BMPR2: variants seen among roughly 807,000 people sequenced by gnomAD.
The protein encoded by BMPR2 is bone morphogenetic protein receptor type 2, also known as bone morphogenetic protein receptor type-2.
A neutral mutation model predicts 100.8 loss-of-function variants in BMPR2; 29 were observed. The ratio of observed to expected loss-of-function variants is 0.29; its 90% confidence interval spans 0.21 to 0.39. The LOEUF is 0.39. Among genes scored for constraint, BMPR2 ranks in the 10% least tolerant of loss-of-function variants. The pLI is 1.00. For synonymous variants in BMPR2, 382 were observed against 442.3 expected (o/e 0.86, Z 1.71); for missense variants, 1,011 against 1,274.5 (o/e 0.79, Z 3.15).
At position 202,487,795 on chromosome 2, in the gene BMPR2, T is replaced by A. The variant is rs186075375; in HGVS notation, c.418+20106T>A. 2.5e-3 allele frequency among the ~76,000 whole-genome samples: 377 copies of A among 152,348 alleles called. 3 individuals carry two copies. Among genetic ancestry groups the A allele is most frequent in the African/African-American group, 8.4e-3 (348 of 41,584 alleles). ...AAACTTTAGCATTAATCAGTATCAG[T>A]TTGGAGGCCCTTGAAAACAGATTGT... On this transcript the variant is annotated intron_variant, in intron 3 of 12. Transcript: ENST00000374580.
At chr2:202,476,584 T>C (rs1250541373) in intron 3 of BMPR2, among the ~76,000 whole-genome samples, 8 of 151,900 alleles carry the variant, frequency 5.3e-5, no homozygotes, top group African/African-American at 1.9e-4. Context: ...AGTTCAGGAG[T>C]TGGAGACCAG....
At chr2:202,433,273 G>A (rs186524172) in intron 1 of BMPR2, among the ~76,000 whole-genome samples, 6 of 150,366 alleles carry the variant, frequency 4.0e-5, no homozygotes, top group Non-Finnish European at 7.4e-5. Context: ...AGGTAGGTAG[G>A]TAGATAGATA....
chr2:202,421,407 T>G (rs562858893), intron 1 of BMPR2, among the ~76,000 whole-genome samples: 1 of 151,584 alleles, frequency 6.6e-6, no homozygotes, highest in African/African-American at 2.4e-5. Context: ...AATTTAACTT[T>G]GTAACTAGTA....
At chr2:202,382,726 G>T (rs1476963089) in intron 1 of BMPR2, among the ~76,000 whole-genome samples, 4 of 152,196 alleles carry the variant, frequency 2.6e-5, no homozygotes, top group Non-Finnish European at 5.9e-5. Flanking sequence ...TAGTTTAAGA[G>T]GTATAGTGGG....
chr2:202,520,049 C>T, intron 6 of BMPR2, 38 bp from the exon 7 acceptor site: 2 of 1,270,688 alleles, frequency 1.6e-6, no homozygotes, highest in Non-Finnish European at 2.2e-6. Context: ...TGAGTTAATT[C>T]TACCTTTTTT....
intron 1 of BMPR2, among the ~76,000 whole-genome samples, chr2:202,411,544 A>G (rs1691013083): frequency 2.0e-5 from 3 of 152,182 alleles, no homozygotes; most frequent in Admixed American, 1.3e-4. Context: ...TGTTTGTTGG[A>G]AAACTGGCCC....
rs997717183 is a variant in BMPR2 at position 202,562,269 on chromosome 2, A to G, written c.*2323A>G. ...GGGCCAGTTGATTGTAGGTTGTCCA[A>G]CATTTTTTAATATTGGGAAAATTAT... On this transcript the variant is annotated 3_prime_UTR_variant, in exon 13 of 13. Coordinates refer to ENST00000374580, the MANE Select transcript of BMPR2 (RefSeq NM_001204.7). 2 of 152,560 alleles carry G rather than the reference A, an allele frequency of 1.3e-5. No individual in the cohort carries two copies. Among genetic ancestry groups the G allele is most frequent in the African/African-American group, 4.8e-5 (2 of 41,460 alleles). The allele number at this position is 152,560 out of a possible 1,614,324, so 9.5% of individuals were successfully genotyped here.
In BMPR2 at chr2:202,436,550, C is replaced by T. The variant is rs1329134962; in HGVS notation, c.77-28259C>T. ...CTTGACAAAGATATCTAATTTGCTT[C>T]TAAGCTTTTTAAATTGAAACAATGC... On this transcript the variant is annotated intron_variant, in intron 1 of 12. Coordinates refer to ENST00000374580, the MANE Select transcript of BMPR2 (RefSeq NM_001204.7). Among the ~76,000 whole-genome samples, 3 of 150,750 alleles carry T rather than the reference C, an allele frequency of 2.0e-5. 1 individual carries two copies. The highest frequency in any genetic ancestry group is 7.5e-5 in the African/African-American group (3 of 40,094).
chr2:202,401,887 G>A (rs16839127), intron 1 of BMPR2, among the ~76,000 whole-genome samples: 8,287 of 152,302 alleles, frequency 0.054, 296 homozygotes, highest in Middle Eastern at 0.13. Context: ...GTATGATGCA[G>A]TAAAATGTTG....
chr2:202,450,356 G>T (rs1389855086), intron 1 of BMPR2, among the ~76,000 whole-genome samples: 1 of 152,100 alleles, frequency 6.6e-6, no homozygotes, highest in African/African-American at 2.4e-5. Context: ...TAAATTAAGG[G>T]ATGAATATTT....
chr2:202,378,941 A>G (rs1690214606), intron 1 of BMPR2, among the ~76,000 whole-genome samples: 1 of 152,206 alleles, frequency 6.6e-6, no homozygotes, highest in African/African-American at 2.4e-5. Context: ...CCTTTTTAGA[A>G]TATAGATTCT....
chr2:202,379,869 T>TCTTTCTTTCCTTC (rs1553492614), intron 1 of BMPR2, among the ~76,000 whole-genome samples: 1 of 151,396 alleles, frequency 6.6e-6, no homozygotes, highest in African/African-American at 2.4e-5. Flanking sequence ...TTTCTTTCTT[T>TCTTTCTTTCCTTC]TTTGTTCAGA....
intron 12 of BMPR2, among the ~76,000 whole-genome samples, chr2:202,558,912 T>C (rs1015562897): frequency 6.8e-4 from 93 of 137,284 alleles, no homozygotes; most frequent in Non-Finnish European, 1.2e-3. Context: ...AAAAAAAAAA[T>C]CTTGTCAGAT....
At chr2:202,515,311 C>G (rs1406935361) in intron 5 of BMPR2, among the ~76,000 whole-genome samples, 1 of 152,054 alleles carries the variant, frequency 6.6e-6, no homozygotes, top group Non-Finnish European at 1.5e-5. Context: ...GTGGCTCATG[C>G]CTGTAATCCC....
intron 3 of BMPR2, among the ~76,000 whole-genome samples, chr2:202,468,863 C>T (rs1439660838): frequency 6.6e-6 from 1 of 151,704 alleles, no homozygotes; most frequent in Non-Finnish European, 1.5e-5. Flanking sequence ...ATAAAAAAGC[C>T]TATCTATTAT....
rs76994304 is a variant in BMPR2 at position 202,558,061 on chromosome 2, G to A, written c.2866+1530G>A. On this transcript the variant is annotated intron_variant, in intron 12 of 12. Transcript: ENST00000374580. ...AGGCTAGGCACGGTGGCTCACGCCT[G>A]TAATCCCAGTGCTGTGGAAGACTGA... Among the ~76,000 whole-genome samples the A allele has an allele frequency of 4.9e-3, 744 of 152,266 alleles. 18 individuals carry two copies. Among genetic ancestry groups the A allele is most frequent in the Admixed American group, 0.035 (536 of 15,288 alleles).
chr2:202,466,882 G>A (rs1692334340), intron 2 of BMPR2, among the ~76,000 whole-genome samples: 1 of 152,116 alleles, frequency 6.6e-6, no homozygotes, highest in African/African-American at 2.4e-5. Flanking sequence ...CTAGGCGTGA[G>A]CCACCGTGCC....
intron 1 of BMPR2, among the ~76,000 whole-genome samples, chr2:202,408,459 A>G (rs1352529151): frequency 6.6e-6 from 1 of 152,176 alleles, no homozygotes. Context: ...CCAGATCTTG[A>G]CTGTACTGGC....
rs111925110 is a variant in BMPR2 at position 202,492,354 on chromosome 2, G to A, written c.419-21365G>A. On this transcript the variant is annotated intron_variant, in intron 3 of 12. Coordinates refer to ENST00000374580, the MANE Select transcript of BMPR2 (RefSeq NM_001204.7). ...TGTATAATGCTTATACATTATACAC[G>A]AAAATGTATATAATTTTGTGGGTTA... 6.4e-3 allele frequency among the ~76,000 whole-genome samples: 976 copies of A among 151,886 alleles called. 14 individuals are homozygous for A. The highest frequency in any genetic ancestry group is 0.022 in the African/African-American group (901 of 41,408).
Sources: allele counts gnomAD v4.1 joint callset (sites outside exome capture counted in the v4.1 genomes callset), GRCh38; gene constraint gnomAD v4.1.1; transcripts MANE v1.5; gene names NCBI Gene and HGNC (gene_info 2026-07-23, HGNC 2026-07-21).